The following SAV1 variants were observed in gnomAD, a reference collection of about 807,000 sequenced individuals.
SAV1 encodes salvador family WW domain containing protein 1, also known as protein salvador homolog 1.
A neutral mutation model predicts 47.3 loss-of-function variants in SAV1; 23 were observed. The observed-to-expected ratio is 0.49, with a 90% CI of 0.35 to 0.69. The LOEUF is 0.69. Ranked by LOEUF, SAV1 falls within the 30% of genes least tolerant of loss-of-function variation. The pLI is 0.01. For missense variants in SAV1, 448 were observed against 457.4 expected (o/e 0.98, Z 0.19); for synonymous variants, 155 against 159.2 (o/e 0.97, Z 0.20).
chr14:50,663,114 A>G (rs1327232261), intron 2 of SAV1: 5 of 152,350 alleles, frequency 3.3e-5, no homozygotes, highest in Admixed American at 3.3e-4. Flanking sequence ...CGCAGTCATT[A>G]AAACCACTCA....
chr14:50,647,666 TAAA>T (rs2039734147), intron 2 of SAV1, among the ~76,000 whole-genome samples: 1 of 151,850 alleles, frequency 6.6e-6, no homozygotes, highest in Admixed American at 6.6e-5. Flanking sequence ...ATATTGATGG[TAAA>T]TAGCACGTGA....
At chr14:50,646,275 TCTCC>T (rs2039720933) in intron 2 of SAV1, among the ~76,000 whole-genome samples, 1 of 152,210 alleles carries the variant, frequency 6.6e-6, no homozygotes, top group Non-Finnish European at 1.5e-5. Context: ...ATGTAATCTC[TCTCC>T]CTCTCTCTTG....
intron 2 of SAV1, among the ~76,000 whole-genome samples, chr14:50,661,510 C>CT (rs528893760): frequency 8.4e-4 from 128 of 152,240 alleles, no homozygotes; most frequent in African/African-American, 3.0e-3. Context: ...GCCATAAAAT[C>CT]TTTGTTAGAT....
intron 3 of SAV1, among the ~76,000 whole-genome samples, chr14:50,643,353 G>A (rs1447842069): frequency 2.0e-5 from 3 of 152,146 alleles, no homozygotes; most frequent in Non-Finnish European, 2.9e-5. Context: ...GAGGCCTCAG[G>A]AAACTTAAAT....
At chr14:50,667,218 C>G (rs1188024958) in intron 1 of SAV1, among the ~76,000 whole-genome samples, 2 of 141,642 alleles carry the variant, frequency 1.4e-5, no homozygotes, top group Non-Finnish European at 3.1e-5. Context: ...AAAAAAAAAA[C>G]TTTTCGAGGG....
At position 50,668,103 on chromosome 14, in the gene SAV1, T is replaced by A; in HGVS notation, c.-136A>T. On this transcript the variant is annotated 5_prime_UTR_variant, in exon 1 of 5. Coordinates refer to ENST00000324679, the MANE Select transcript of SAV1 (RefSeq NM_021818.4). The stretch of plus-strand genomic sequence containing the variant: ...GAGCCGCCGCCTCCGCCGCCGCCTG[T>A]CCGGAGCCCGGGGTCGCCCGCAGGG... 2.1e-6 allele frequency: 1 copy of A among 467,094 alleles called. No homozygotes were observed. The highest frequency in any genetic ancestry group is 3.3e-6 in the Non-Finnish European group (1 of 298,922). 28.9% of individuals were successfully genotyped at this position (467,094 alleles called of 1,614,324 possible).
At chr14:50,640,918 T>C in intron 3 of SAV1, 25 bp from the exon 4 acceptor site, 1 of 1,578,602 alleles carries the variant, frequency 6.3e-7, no homozygotes, top group Non-Finnish European at 8.6e-7. Context: ...GTGACATTCT[T>C]TAGGATAAAG....
chr14:50,641,419 C>G (rs1034801766), intron 3 of SAV1, among the ~76,000 whole-genome samples: 1 of 151,678 alleles, frequency 6.6e-6, no homozygotes, highest in Admixed American at 6.6e-5. Context: ...TACTTTAGTT[C>G]TAATAGCCTG....
intron 4 of SAV1, among the ~76,000 whole-genome samples, chr14:50,638,986 C>T (rs1566739963): frequency 6.6e-6 from 1 of 152,198 alleles, no homozygotes. Flanking sequence ...CCAGGATGGT[C>T]TCGATCTCTC....
At chr14:50,649,139 G>C (rs1393420170) in intron 2 of SAV1, among the ~76,000 whole-genome samples, 3 of 152,170 alleles carry the variant, frequency 2.0e-5, no homozygotes, top group African/African-American at 4.8e-5. Flanking sequence ...TCTTCCTTCA[G>C]ATATTCTCTT....
chr14:50,651,484 T>C (rs1199785434), intron 2 of SAV1, among the ~76,000 whole-genome samples: 1 of 152,104 alleles, frequency 6.6e-6, no homozygotes, highest in African/African-American at 2.4e-5. Context: ...CTATGTAACT[T>C]ACAACAAAAT....
At position 50,634,944 on chromosome 14, in the gene SAV1, C is replaced by T; in HGVS notation, c.*239G>A. On this transcript the variant is annotated 3_prime_UTR_variant, in exon 5 of 5. Coordinates refer to ENST00000324679, the MANE Select transcript of SAV1 (RefSeq NM_021818.4). Reference sequence around the variant, plus strand: ...CTGCGTTTTTTTCCATCAAGAATACCAAAACAGTTTCCTAATATACAGTAT... The same window carrying T: ...CTGCGTTTTTTTCCATCAAGAATACTAAAACAGTTTCCTAATATACAGTAT... The T allele has an allele frequency of 2.4e-6, 1 of 411,804 alleles. No individual in the cohort carries two copies. The highest frequency in any genetic ancestry group is 4.3e-6 in the Non-Finnish European group (1 of 231,548). 25.5% of individuals were successfully genotyped at this position (411,804 alleles called of 1,614,324 possible).
chr14:50,645,581 A>T (rs1473918520), intron 2 of SAV1, among the ~76,000 whole-genome samples: 2 of 152,152 alleles, frequency 1.3e-5, no homozygotes, highest in African/African-American at 4.8e-5. Context: ...TAAAAAAAAA[A>T]ATCCAAAATC....
chr14:50,660,192 T>C (rs1055865711), intron 2 of SAV1, among the ~76,000 whole-genome samples: 4 of 152,184 alleles, frequency 2.6e-5, no homozygotes, highest in African/African-American at 9.6e-5. Flanking sequence ...GACTCCCCAA[T>C]TTCCCAGCAA....
intron 2 of SAV1, among the ~76,000 whole-genome samples, chr14:50,654,962 C>T (rs777572316): frequency 1.5e-4 from 22 of 151,628 alleles, no homozygotes; most frequent in Non-Finnish European, 3.1e-4. Flanking sequence ...AAGTAGATCA[C>T]CCTTGTTCGG....
At chr14:50,637,160 G>T (rs1378495871) in intron 4 of SAV1, among the ~76,000 whole-genome samples, 1 of 152,044 alleles carries the variant, frequency 6.6e-6, no homozygotes, top group Non-Finnish European at 1.5e-5. Flanking sequence ...ATATTTAATT[G>T]GACTGCCAAT....
In SAV1 at chr14:50,634,150, A is replaced by T; in HGVS notation, c.*1033T>A. 2.2e-6 allele frequency: 1 copy of T among 455,470 alleles called. No individual in the cohort carries two copies. Among genetic ancestry groups the T allele is most frequent in the Non-Finnish European group, 4.4e-6 (1 of 226,422 alleles). The allele number at this position is 455,470 out of a possible 1,614,324, so 28.2% of individuals were successfully genotyped here. A position where few individuals can be genotyped will look rare whatever the true frequency, so the allele number is the denominator to read the frequency against. The stretch of plus-strand genomic sequence containing the variant: ...AACTCTCCACTGCCTCGTCAGAGCC[A>T]TGCTAAATGCAGTAACAGCACTGGC... On this transcript the variant is annotated 3_prime_UTR_variant, in exon 5 of 5. Coordinates refer to ENST00000324679, the MANE Select transcript of SAV1 (RefSeq NM_021818.4).
intron 4 of SAV1, chr14:50,637,882 C>A (rs1038774696): frequency 6.6e-6 from 1 of 152,070 alleles, no homozygotes; most frequent in East Asian, 1.9e-4. Flanking sequence ...TACAGACATC[C>A]GACTGGCATA....
At chr14:50,640,299 T>G (rs1184567194) in intron 4 of SAV1, among the ~76,000 whole-genome samples, 1 of 152,188 alleles carries the variant, frequency 6.6e-6, no homozygotes, top group African/African-American at 2.4e-5. Flanking sequence ...AAAATTTTTC[T>G]GTGGAAATGG....
Sources: allele counts gnomAD v4.1 joint callset (sites outside exome capture counted in the v4.1 genomes callset), GRCh38; gene constraint gnomAD v4.1.1; transcripts MANE v1.5; gene names NCBI Gene and HGNC (gene_info 2026-07-23, HGNC 2026-07-21).